The following MYT1L variants were observed in gnomAD, a reference collection of about 807,000 sequenced individuals.
MYT1L encodes the protein myelin transcription factor 1 like, also known as myelin transcription factor 1-like protein.
In MYT1L, 12 loss-of-function variants were observed where a neutral mutation model predicts 126.7. The ratio of observed to expected loss-of-function variants is 0.09; its 90% CI spans 0.06 to 0.15. The LOEUF (loss-of-function observed/expected upper bound fraction) is 0.15, where lower values mean the gene tolerates loss of function less well. MYT1L is among the 10% of genes least tolerant of loss of function. The pLI is 1.00. For synonymous variants in MYT1L, 541 were observed against 604.2 expected (o/e 0.90, Z 1.53); for missense variants, 979 against 1,585.2 (o/e 0.62, Z 6.49).
chr2:2,165,719 A>T (rs1347096752), intron 3 of MYT1L, among the ~76,000 whole-genome samples: 2 of 151,958 alleles, frequency 1.3e-5, no homozygotes, highest in Non-Finnish European at 2.9e-5. Context: ...CTGTTTCTTG[A>T]ATGTTGTATT....
chr2:1,889,719 T>TCTCC lies in MYT1L; in HGVS notation c.2284-246_2284-243dup, dbSNP rs1321824510. 6.6e-6 allele frequency among the ~76,000 whole-genome samples: 1 copy of TCTCC among 152,062 alleles called. No homozygotes were observed. ...CCAGGCATCCATCCCGCCATCCCTC[T>TCTCC]CTCCCTCCCTCCCTCCATTTCCCTA... On this transcript the variant is annotated intron_variant, in intron 15 of 24. Coordinates refer to ENST00000647738, the MANE Select transcript of MYT1L (RefSeq NM_001303052.2). This position sits in a 1 kb window ranked among gnomAD's most constrained non-coding sequence, Gnocchi z 4.1.
intron 3 of MYT1L, among the ~76,000 whole-genome samples, chr2:2,138,559 T>C (rs1276786948): frequency 2.8e-5 from 4 of 141,930 alleles, no homozygotes; most frequent in South Asian, 2.4e-4. Context: ...ATGGATGAAA[T>C]TGGAAATCAT....
intron 3 of MYT1L, among the ~76,000 whole-genome samples, chr2:2,165,887 T>C (rs974386665): frequency 4.6e-5 from 7 of 150,770 alleles, no homozygotes; most frequent in Admixed American, 2.6e-4. Flanking sequence ...TAAAATCTTT[T>C]ATTTTTCTAC....
chr2:2,135,251 CTCA>C, intron 3 of MYT1L, among the ~76,000 whole-genome samples: 1 of 152,094 alleles, frequency 6.6e-6, no homozygotes, highest in Non-Finnish European at 1.5e-5. Flanking sequence ...TTGTGCTGTT[CTCA>C]TGATAGTGAA....
At chr2:2,195,896 G>A (rs1480640964) in intron 2 of MYT1L, among the ~76,000 whole-genome samples, 2 of 151,900 alleles carry the variant, frequency 1.3e-5, no homozygotes, top group Admixed American at 6.6e-5. Flanking sequence ...AAGAATATAA[G>A]ATATATATAA....
At position 1,819,384 on chromosome 2, in the gene MYT1L, C is replaced by A. The variant is rs139047335; in HGVS notation, c.3081-10217G>T. Among the ~76,000 whole-genome samples, 34 of 152,342 alleles carry A rather than the reference C, an allele frequency of 2.2e-4. 1 individual carries two copies. Among genetic ancestry groups the A allele is most frequent in the African/African-American group, 6.0e-4 (25 of 41,582 alleles). On this transcript the variant is annotated intron_variant, in intron 21 of 24. Coordinates refer to ENST00000647738, the MANE Select transcript of MYT1L (RefSeq NM_001303052.2). ...AAATGCTTTACTTATCACATGCTGG[C>A]ATGCTCTTCAGACTTGGCCCACTGC...
intron 2 of MYT1L, among the ~76,000 whole-genome samples, chr2:2,202,031 T>C (rs2093099472): frequency 6.6e-6 from 1 of 152,028 alleles, no homozygotes; most frequent in Non-Finnish European, 1.5e-5. Flanking sequence ...ACTGGGTACA[T>C]AACGAAATAA....
At position 1,876,640 on chromosome 2, in the gene MYT1L, T is replaced by C. The variant is rs78273244; in HGVS notation, c.2711+9899A>G. 1.2e-3 allele frequency among the ~76,000 whole-genome samples: 190 copies of C among 152,266 alleles called. 2 individuals carry two copies. In the East Asian group the frequency reaches 0.034, roughly 27 times the overall value. On this transcript the variant is annotated intron_variant, in intron 18 of 24. Transcript: ENST00000647738. ...CAGCTGACCCTATGCGTGCCGCCAT[T>C]GAAACCTCAGCACCTGCTGCCTCCC...
At chr2:2,053,235 T>C (rs999690954) in intron 4 of MYT1L, among the ~76,000 whole-genome samples, 10 of 152,150 alleles carry the variant, frequency 6.6e-5, no homozygotes, top group African/African-American at 2.4e-4. Context: ...GAAAGCAGAA[T>C]GCTGGGACCC....
chr2:2,245,686 C>T (rs1185572760), intron 2 of MYT1L, among the ~76,000 whole-genome samples: 1 of 151,934 alleles, frequency 6.6e-6, no homozygotes, highest in African/African-American at 2.4e-5. Flanking sequence ...CCTCCTTCTC[C>T]AGGACTCTAC....
intron 2 of MYT1L, among the ~76,000 whole-genome samples, chr2:2,280,415 T>C (rs983394051): frequency 5.3e-5 from 8 of 152,158 alleles, no homozygotes; most frequent in Admixed American, 1.3e-4. Flanking sequence ...CAAGAAACTA[T>C]TTGGAGTGAA....
chr2:2,197,836 G>A (rs191499056), intron 2 of MYT1L, among the ~76,000 whole-genome samples: 18 of 147,428 alleles, frequency 1.2e-4, no homozygotes, highest in East Asian at 4.0e-4. Flanking sequence ...CGCACACAAC[G>A]AATGTGTAGA....
At chr2:1,961,360 C>A (rs1407837229) in intron 8 of MYT1L, among the ~76,000 whole-genome samples, 1 of 152,134 alleles carries the variant, frequency 6.6e-6, no homozygotes, top group Non-Finnish European at 1.5e-5. Flanking sequence ...AAGTCCAGCC[C>A]ACTATTTACC....
At chr2:1,851,013 A>G (rs1438386489) in intron 19 of MYT1L, among the ~76,000 whole-genome samples, 2 of 152,144 alleles carry the variant, frequency 1.3e-5, no homozygotes, top group African/African-American at 4.8e-5. Flanking sequence ...CTCGAATAGT[A>G]CCACAATTTC....
At chr2:2,021,314 G>A (rs985450699) in intron 4 of MYT1L, among the ~76,000 whole-genome samples, 1 of 152,140 alleles carries the variant, frequency 6.6e-6, no homozygotes, top group East Asian at 1.9e-4. Flanking sequence ...GGTGGGCAGG[G>A]GAAGGTTGAC....
chr2:2,221,253 C>T (rs1170644614), intron 2 of MYT1L, among the ~76,000 whole-genome samples: 1 of 152,112 alleles, frequency 6.6e-6, no homozygotes, highest in Non-Finnish European at 1.5e-5. Flanking sequence ...CTGGGAGCCG[C>T]TGGCATAGAT....
chr2:2,222,839 T>C (rs2148996339), intron 2 of MYT1L, among the ~76,000 whole-genome samples: 1 of 152,178 alleles, frequency 6.6e-6, no homozygotes, highest in Non-Finnish European at 1.5e-5. Context: ...AAGTAAAACA[T>C]CAAATAAAAA....
At chr2:2,123,314 T>G (rs1418773615) in intron 3 of MYT1L, among the ~76,000 whole-genome samples, 1 of 152,174 alleles carries the variant, frequency 6.6e-6, no homozygotes, top group Non-Finnish European at 1.5e-5. Flanking sequence ...AACCTGGGGA[T>G]AAAGTATGTG....
chr2:2,190,085 C>T (rs572263496), intron 2 of MYT1L, among the ~76,000 whole-genome samples: 6 of 152,312 alleles, frequency 3.9e-5, no homozygotes, highest in African/African-American at 1.4e-4. Flanking sequence ...CCTTCGCTTT[C>T]TGTATTGGCC....
Sources: allele counts gnomAD v4.1 joint callset (sites outside exome capture counted in the v4.1 genomes callset), GRCh38; gene constraint gnomAD v4.1.1; non-coding constraint Gnocchi (gnomAD v3.1); transcripts MANE v1.5; gene names NCBI Gene and HGNC (gene_info 2026-07-23, HGNC 2026-07-21).